The following ADAM22 variants were observed in gnomAD, a reference collection of about 807,000 sequenced individuals.
ADAM22 encodes the protein ADAM metallopeptidase domain 22.
Under a neutral mutation model 144.6 loss-of-function variants are expected in ADAM22, and 65 were observed. That is an observed-to-expected ratio of 0.45 (90% CI 0.37 to 0.55). The LOEUF (loss-of-function observed/expected upper bound fraction) is 0.55, where lower values mean the gene tolerates loss of function less well. Ranked by LOEUF, ADAM22 falls within the 20% of genes least tolerant of loss-of-function variation. ADAM22 has a pLI of 0.00. For synonymous variants in ADAM22, 391 were observed against 412.6 expected, an observed-to-expected ratio of 0.95 and a Z score of 0.63; for missense variants, 974 against 1,184.9, an observed-to-expected ratio of 0.82 and a Z score of 2.61.
intron 3 of ADAM22, among the ~76,000 whole-genome samples, chr7:88,055,039 C>A (rs1011891375): frequency 3.2e-4 from 49 of 152,164 alleles, no homozygotes; most frequent in African/African-American, 1.1e-3. Flanking sequence ...CCCAGTATTA[C>A]GGTCCTTAAT....
In ADAM22 at chr7:88,201,769, G is replaced by A. The variant is rs992054231; in HGVS notation, c.*5278G>A. On this transcript the variant is annotated 3_prime_UTR_variant, in exon 32 of 32. Transcript: ENST00000413139. ...GTTTTTGGTTTTGTTTTACAAAAAG[G>A]CATACAATGAGACGAATTCTTAAGA... 6.6e-6 allele frequency: 1 copy of A among 152,100 alleles called. No individual in the cohort carries two copies. Among genetic ancestry groups the A allele is most frequent in the Non-Finnish European group, 1.5e-5 (1 of 68,008 alleles). The allele number at this position is 152,100 out of a possible 1,614,324, so 9.4% of individuals were successfully genotyped here.
chr7:87,940,282 A>G (rs527871754), intron 2 of ADAM22, among the ~76,000 whole-genome samples: 2 of 151,908 alleles, frequency 1.3e-5, no homozygotes, highest in African/African-American at 2.4e-5. Context: ...AAACATCACT[A>G]TGTACCCCAT....
At chr7:88,119,360 T>C (rs1174233488) in intron 7 of ADAM22, among the ~76,000 whole-genome samples, 2 of 152,266 alleles carry the variant, frequency 1.3e-5, no homozygotes, top group African/African-American at 4.8e-5. Context: ...TGTAGAACTT[T>C]ATACAGATGG....
chr7:88,116,597 G>A, intron 6 of ADAM22, 148 bp from the exon 7 acceptor site: 1 of 608,472 alleles, frequency 1.6e-6, no homozygotes, highest in South Asian at 2.1e-5. Flanking sequence ...GAGAATAGGA[G>A]GGGTTGGGCA....
chr7:88,006,031 A>G lies in ADAM22; in HGVS notation c.323+27619A>G, dbSNP rs1176688335. Among the ~76,000 whole-genome samples the G allele has an allele frequency of 3.9e-5, 6 of 152,258 alleles. No homozygotes were observed. The East Asian group carries it at 1.2e-3, about 29-fold the overall frequency. On this transcript the variant is annotated intron_variant, in intron 3 of 31. Coordinates refer to ENST00000413139, the MANE Select transcript of ADAM22 (RefSeq NM_001324418.2). Reference sequence around the variant, plus strand: ...CTTTCTAATCATTTCTCTTAAGGTAATAGTCATTTTGAAATATCACTGTCT... The same window carrying G: ...CTTTCTAATCATTTCTCTTAAGGTAGTAGTCATTTTGAAATATCACTGTCT...
intron 3 of ADAM22, among the ~76,000 whole-genome samples, chr7:88,064,292 T>A (rs1285964829): frequency 6.6e-6 from 1 of 152,086 alleles, no homozygotes; most frequent in African/African-American, 2.4e-5. Flanking sequence ...CAGGTTGAGG[T>A]TGGGTTTAGT....
At chr7:88,135,487 G>A (rs1832804742) in intron 13 of ADAM22, among the ~76,000 whole-genome samples, 2 of 151,934 alleles carry the variant, frequency 1.3e-5, no homozygotes, top group African/African-American at 4.8e-5. Flanking sequence ...TATATCAAAT[G>A]GCAAACTCAG....
Position 88,153,297 on chromosome 7 carries a change from C to G in ADAM22, c.1758C>G (p.Asp586Glu), listed in dbSNP as rs938860063. ...EGTEKGNCGK[D>E]KDTWIQCNKR... is the part of the protein sequence containing the mutation. ...CGGAGAAGGGTAACTGTGGGAAAGA[C>G]AAAGACACATGGATACAGTGCAACA... Residue 586 changes from aspartate (D) to glutamate (E), a missense_variant, in exon 21 of 32, where the codon GAC becomes GAG. Asp to Glu is a conservative substitution (Grantham distance 45). Coordinates refer to ENST00000413139, the MANE Select transcript of ADAM22 (RefSeq NM_001324418.2). 6.2e-7 allele frequency: 1 copy of G among 1,613,398 alleles called. No homozygotes were observed. Among genetic ancestry groups the G allele is most frequent in the East Asian group, 2.2e-5 (1 of 44,840 alleles).
chr7:87,955,640 G>A (rs1485470963), intron 2 of ADAM22, among the ~76,000 whole-genome samples: 3 of 152,222 alleles, frequency 2.0e-5, no homozygotes, highest in South Asian at 2.1e-4. Context: ...CGTGCTGGGA[G>A]AACCACTGCT....
intron 2 of ADAM22, among the ~76,000 whole-genome samples, chr7:87,949,613 T>A (rs1374927156): frequency 6.6e-6 from 1 of 152,204 alleles, no homozygotes; most frequent in African/African-American, 2.4e-5. Context: ...TCATATGGCA[T>A]ATTCAGCCAA....
intron 30 of ADAM22, 108 bp from the exon 31 acceptor site, chr7:88,193,008 G>T: frequency 7.7e-7 from 1 of 1,304,378 alleles, no homozygotes; most frequent in East Asian, 2.4e-5. Flanking sequence ...TTGCAGTAGT[G>T]GTATATGAAA....
At chr7:88,150,545 A>C (rs1477214884) in intron 18 of ADAM22, among the ~76,000 whole-genome samples, 1 of 152,178 alleles carries the variant, frequency 6.6e-6, no homozygotes, top group Admixed American at 6.5e-5. Flanking sequence ...AAAGGAAACT[A>C]GTTATTGCTC....
chr7:88,001,419 A>C (rs1355176708), intron 3 of ADAM22, among the ~76,000 whole-genome samples: 1 of 152,188 alleles, frequency 6.6e-6, no homozygotes, highest in Non-Finnish European at 1.5e-5. Context: ...GCATTCAAAA[A>C]GTTTTGAATT....
At chr7:87,982,027 A>C (rs1853567215) in intron 3 of ADAM22, among the ~76,000 whole-genome samples, 1 of 144,144 alleles carries the variant, frequency 6.9e-6, no homozygotes, top group Non-Finnish European at 1.5e-5. Context: ...AGTAGTTTGG[A>C]ATCCTTATGT....
intron 3 of ADAM22, among the ~76,000 whole-genome samples, chr7:88,070,866 T>G (rs925514344): frequency 1.3e-5 from 2 of 152,034 alleles, no homozygotes; most frequent in African/African-American, 4.8e-5. Flanking sequence ...AGAAGTGAGA[T>G]TATCTGAAGG....
chr7:87,959,825 T>A (rs1008008852), intron 2 of ADAM22, among the ~76,000 whole-genome samples: 5 of 152,222 alleles, frequency 3.3e-5, no homozygotes, highest in African/African-American at 1.2e-4. Flanking sequence ...ATATAGTTTT[T>A]AAAACAATAG....
chr7:88,195,506 A>G (rs1341144173), intron 31 of ADAM22, among the ~76,000 whole-genome samples: 2 of 151,708 alleles, frequency 1.3e-5, no homozygotes, highest in African/African-American at 4.8e-5. Context: ...AGAACCTTTT[A>G]TTTATTTTAT....
At chr7:88,014,151 C>T (rs1407476285) in intron 3 of ADAM22, among the ~76,000 whole-genome samples, 1 of 151,850 alleles carries the variant, frequency 6.6e-6, no homozygotes, top group Non-Finnish European at 1.5e-5. Flanking sequence ...GCATATGTAC[C>T]CATGATGGAA....
At position 88,168,143 on chromosome 7, in the gene ADAM22, C is replaced by G. The variant is rs1843365788; in HGVS notation, c.2198C>G (p.Ala733Gly). 1 of 1,612,834 alleles carries G rather than the reference C, an allele frequency of 6.2e-7. No individual in the cohort carries two copies. Among genetic ancestry groups the G allele is most frequent in the African/African-American group, 1.3e-5 (1 of 74,968 alleles). Residue 733 changes from alanine (A) to glycine (G), a missense_variant, in exon 25 of 32, where the codon GCT (alanine) becomes GGT (glycine). By Grantham distance (60) the Ala-to-Gly change is moderately conservative. This residue lies in a region of ADAM22 where 734 missense variants were observed against 950.6 expected (regional missense o/e 0.77). Transcript: ENST00000413139. ...TTCTTTTTTTTCCTCTCAGGTGTTGCTGGCACCAATATCATAATAGGCATA... is the reference window on the plus strand; with the variant it reads ...TTCTTTTTTTTCCTCTCAGGTGTTGGTGGCACCAATATCATAATAGGCATA... The part of the protein sequence containing the change: ...TGITLSGNGV[A>G]GTNIIIGIIA...
Sources: gnomAD v4.1 joint callset for allele counts (sites outside exome capture counted in the v4.1 genomes callset) on GRCh38, gnomAD v4.1.1 for gene constraint, gnomAD v4.1.1 regional missense constraint, MANE v1.5 for transcripts, NCBI Gene and HGNC (gene_info 2026-07-23, HGNC 2026-07-21) for gene names.